XKR9: variants seen among roughly 807,000 people sequenced by gnomAD.
The protein encoded by XKR9 is XK related 9.
In XKR9, 32 loss-of-function variants were observed where a neutral mutation model predicts 32.0. The ratio of observed to expected loss-of-function variants is 1.00; its 90% CI spans 0.76 to 1.34. The LOEUF is 1.34. Among genes scored for constraint, XKR9 ranks in the 40% most tolerant of loss-of-function variants. The pLI, the probability that XKR9 is intolerant of heterozygous loss-of-function variation, is 0.00. For missense variants in XKR9, 546 were observed against 429.7 expected (o/e 1.27, Z -2.39); for synonymous variants, 168 against 143.4 (o/e 1.17, Z -1.22).
At chr8:71,046,849 C>T in the XKR9 span, among the ~76,000 whole-genome samples, 1 of 152,208 alleles carries the variant, frequency 6.6e-6, no homozygotes, top group Non-Finnish European at 1.5e-5. Flanking sequence ...TCTGGTTCCT[C>T]AACTTGGTGT....
the XKR9 span, among the ~76,000 whole-genome samples, chr8:70,830,943 C>T: frequency 6.6e-6 from 1 of 152,112 alleles, no homozygotes; most frequent in African/African-American, 2.4e-5. Context: ...CACTGTACTA[C>T]CTAGTCTTTT....
the XKR9 span, among the ~76,000 whole-genome samples, chr8:71,014,210 A>G: frequency 2.1e-3 from 323 of 152,330 alleles, no homozygotes; most frequent in African/African-American, 7.5e-3. Flanking sequence ...CTTGGTTGAA[A>G]TAACTTAGAA....
chr8:70,944,788 C>T, the XKR9 span, among the ~76,000 whole-genome samples: 47 of 152,102 alleles, frequency 3.1e-4, no homozygotes, highest in Non-Finnish European at 6.2e-4. Flanking sequence ...CAAGGCCGTC[C>T]GTTTTTATCC....
chr8:70,870,704 T>C, the XKR9 span, among the ~76,000 whole-genome samples: 1 of 152,234 alleles, frequency 6.6e-6, no homozygotes, highest in Non-Finnish European at 1.5e-5. Context: ...AATGAATGAC[T>C]ATAGAATAAT....
chr8:70,811,747 G>C, the XKR9 span, among the ~76,000 whole-genome samples: 2 of 152,304 alleles, frequency 1.3e-5, no homozygotes, highest in East Asian at 3.9e-4. Context: ...CCAGGAAGAA[G>C]TTGAATCTCA....
chr8:70,810,506 A>C, the XKR9 span, among the ~76,000 whole-genome samples: 1 of 152,230 alleles, frequency 6.6e-6, no homozygotes, highest in African/African-American at 2.4e-5. Context: ...AAATTGGATA[A>C]AGAGTCAAGA....
At chr8:70,758,841 G>A (rs1807266180) in intron 2 of XKR9, among the ~76,000 whole-genome samples, 2 of 152,200 alleles carry the variant, frequency 1.3e-5, no homozygotes, top group Non-Finnish European at 2.9e-5. Flanking sequence ...CAGAGTAACA[G>A]CAAAGCTCTC....
At chr8:70,769,608 C>T (rs1183096342) in intron 2 of XKR9, among the ~76,000 whole-genome samples, 1 of 151,880 alleles carries the variant, frequency 6.6e-6, no homozygotes, top group Non-Finnish European at 1.5e-5. Flanking sequence ...TCATGTAGTC[C>T]CATATTTCTT....
At chr8:70,957,092 G>C in the XKR9 span, among the ~76,000 whole-genome samples, 1 of 152,238 alleles carries the variant, frequency 6.6e-6, no homozygotes, top group East Asian at 1.9e-4. Flanking sequence ...TGGAAAGACA[G>C]TTCCTTCGGC....
At chr8:70,854,058 G>A in the XKR9 span, among the ~76,000 whole-genome samples, 1,109 of 151,474 alleles carry the variant, frequency 7.3e-3, 7 homozygotes, top group Non-Finnish European at 0.013. Context: ...TGGGATTGCT[G>A]GGTCAAATGT....
At chr8:70,778,236 T>C (rs1049196744) in intron 2 of XKR9, among the ~76,000 whole-genome samples, 2 of 152,232 alleles carry the variant, frequency 1.3e-5, no homozygotes, top group African/African-American at 4.8e-5. Flanking sequence ...TTGTCAGGTT[T>C]GTCAAAGATC....
At chr8:70,842,118 C>T in the XKR9 span, among the ~76,000 whole-genome samples, 1 of 152,102 alleles carries the variant, frequency 6.6e-6, no homozygotes, top group Non-Finnish European at 1.5e-5. Flanking sequence ...GCTTCCTTTA[C>T]TCTCTTTTTA....
At position 70,746,928 on chromosome 8, in the gene XKR9, C is replaced by T. The variant is rs79301257; in HGVS notation, n.352+39775C>T. Among the ~76,000 whole-genome samples the T allele has an allele frequency of 5.9e-3, 897 of 152,184 alleles. 12 individuals carry two copies. The highest frequency in any genetic ancestry group is 0.021 in the African/African-American group (856 of 41,512). ...CCCTTGCCCTCCTCCCTGTCTTCTC[C>T]CTTTTGGAATCCCCAGTGTTTATTG... On this transcript the variant is annotated intron_variant and non_coding_transcript_variant, in intron 2 of 3. Coordinates refer to the XKR9 transcript ENST00000520273.
At chr8:70,882,543 G>A in the XKR9 span, among the ~76,000 whole-genome samples, 1 of 151,794 alleles carries the variant, frequency 6.6e-6, no homozygotes, top group Non-Finnish European at 1.5e-5. Flanking sequence ...GGTATAGTAT[G>A]AGTTTAAAAT....
At chr8:70,885,976 G>A in the XKR9 span, among the ~76,000 whole-genome samples, 1 of 152,154 alleles carries the variant, frequency 6.6e-6, no homozygotes, top group South Asian at 2.1e-4. Flanking sequence ...GTGCCATGGT[G>A]GTTTTCTGCA....
At chr8:70,710,123 C>A (rs1176641731) in intron 4 of XKR9, among the ~76,000 whole-genome samples, 1 of 152,054 alleles carries the variant, frequency 6.6e-6, no homozygotes, top group African/African-American at 2.4e-5. Context: ...TTAGAAAGCT[C>A]AGAAATAAAG....
the XKR9 span, among the ~76,000 whole-genome samples, chr8:70,997,091 A>T: frequency 6.6e-6 from 1 of 152,208 alleles, no homozygotes; most frequent in Non-Finnish European, 1.5e-5. Flanking sequence ...TGAGGTCAGG[A>T]GTTTGAGACC....
chr8:70,877,856 G>T, the XKR9 span, among the ~76,000 whole-genome samples: 3 of 152,072 alleles, frequency 2.0e-5, no homozygotes, highest in Non-Finnish European at 4.4e-5. Flanking sequence ...AGACATAATT[G>T]TCAGTTTCAC....
At chr8:70,973,891 A>G in the XKR9 span, among the ~76,000 whole-genome samples, 7 of 152,292 alleles carry the variant, frequency 4.6e-5, no homozygotes, top group Middle Eastern at 3.4e-3. Context: ...CATATGGTCT[A>G]TCTTGGAGAA....
Sources: gnomAD v4.1 joint callset for allele counts (sites outside exome capture counted in the v4.1 genomes callset) on GRCh38, gnomAD v4.1.1 for gene constraint, MANE v1.5 for transcripts, NCBI Gene and HGNC (gene_info 2026-07-23, HGNC 2026-07-21) for gene names.